TRDN: variants seen among roughly 807,000 people sequenced by gnomAD.
TRDN encodes the protein triadin in skeletal muscle.
TRDN carries 161 observed loss-of-function variants against 149.7 expected under a neutral mutation model. The ratio of observed to expected loss-of-function variants is 1.08; its 90% confidence interval spans 0.95 to 1.23. The LOEUF is 1.23. Among genes scored for constraint, TRDN ranks in the 50% most tolerant of loss-of-function variants. The pLI, the probability that TRDN is intolerant of heterozygous loss-of-function variation, is 0.00. For missense variants in TRDN, 896 were observed against 823.5 expected (o/e 1.09, Z -1.08); for synonymous variants, 294 against 250.5 (o/e 1.17, Z -1.64).
intron 20 of TRDN, among the ~76,000 whole-genome samples, chr6:123,354,939 A>G (rs1666465602): frequency 6.6e-6 from 1 of 151,786 alleles, no homozygotes; most frequent in South Asian, 2.1e-4. Flanking sequence ...TTTAAATTGC[A>G]CAAATCCTAC....
intron 40 of TRDN, among the ~76,000 whole-genome samples, chr6:123,219,641 C>T (rs1775074423): frequency 6.6e-6 from 1 of 151,798 alleles, no homozygotes; most frequent in Non-Finnish European, 1.5e-5. Flanking sequence ...TATTCTGATT[C>T]CATTTCCATG....
chr6:123,242,371 A>G lies in TRDN; in HGVS notation c.1975+10041T>C, dbSNP rs1206018742. ...GCTTTTAATTTTTAAAATAATAAGTACTAAATATAATAAAATCTCACACAT... is the reference window on the plus strand; with the variant it reads ...GCTTTTAATTTTTAAAATAATAAGTGCTAAATATAATAAAATCTCACACAT... On this transcript the variant is annotated intron_variant, in intron 38 of 40. Transcript: ENST00000334268. Among the ~76,000 whole-genome samples the G allele has an allele frequency of 6.6e-5, 10 of 152,254 alleles. No individual in the cohort carries two copies. The East Asian group carries it at 1.7e-3, about 26-fold the overall frequency.
intron 2 of TRDN, among the ~76,000 whole-genome samples, chr6:123,569,406 C>G (rs150947043): frequency 5.8e-4 from 89 of 152,284 alleles, no homozygotes; most frequent in African/African-American, 2.0e-3. Flanking sequence ...GAACTTCTGC[C>G]CATTACCCAG....
chr6:123,240,607 A>T (rs1293317236), intron 38 of TRDN, among the ~76,000 whole-genome samples: 1 of 151,850 alleles, frequency 6.6e-6, no homozygotes, highest in Non-Finnish European at 1.5e-5. Context: ...AAACATTTAG[A>T]TCTAATTTTA....
intron 24 of TRDN, among the ~76,000 whole-genome samples, chr6:123,287,744 T>C (rs1055399256): frequency 6.6e-6 from 1 of 152,048 alleles, no homozygotes; most frequent in South Asian, 2.1e-4. Context: ...GTCTATAAAA[T>C]ATATGATATG....
intron 1 of TRDN, among the ~76,000 whole-genome samples, chr6:123,587,020 CCT>C (rs764723779): frequency 8.8e-4 from 133 of 151,854 alleles, no homozygotes; most frequent in Non-Finnish European, 1.4e-3. Flanking sequence ...ACTTGCCCCT[CCT>C]CTAGAAAAGC....
chr6:123,253,535 A>G (rs1776452531), intron 37 of TRDN, among the ~76,000 whole-genome samples: 1 of 152,138 alleles, frequency 6.6e-6, no homozygotes, highest in Non-Finnish European at 1.5e-5. Context: ...ACTAAGACTA[A>G]CATGTTATTA....
intron 12 of TRDN, among the ~76,000 whole-genome samples, chr6:123,400,167 G>GTATATATCTATATA (rs1554232313): frequency 8.1e-6 from 1 of 123,396 alleles, no homozygotes. Flanking sequence ...ATATGTATGT[G>GTATATATCTATATA]TATATATATA....
intron 1 of TRDN, among the ~76,000 whole-genome samples, chr6:123,602,580 T>C (rs1784328643): frequency 6.6e-6 from 1 of 152,092 alleles, no homozygotes; most frequent in Middle Eastern, 3.4e-3. Context: ...ATTATTGAAA[T>C]AAAACTAAAA....
chr6:123,606,654 A>C (rs1784541805), intron 1 of TRDN, among the ~76,000 whole-genome samples: 1 of 152,156 alleles, frequency 6.6e-6, no homozygotes, highest in African/African-American at 2.4e-5. Context: ...AAATGTGTCC[A>C]TGCAGTATTT....
chr6:123,235,924 T>TC (rs1280622009), intron 38 of TRDN, among the ~76,000 whole-genome samples: 1 of 152,212 alleles, frequency 6.6e-6, no homozygotes, highest in East Asian at 1.9e-4. Flanking sequence ...AGCTTCTATA[T>TC]CCATTTGCCT....
chr6:123,484,065 C>G (rs1767371662), intron 9 of TRDN, among the ~76,000 whole-genome samples: 1 of 151,976 alleles, frequency 6.6e-6, no homozygotes, highest in Non-Finnish European at 1.5e-5. Context: ...ATCATCAATG[C>G]TACAATCAGT....
At chr6:123,470,969 T>C (rs1777117332) in intron 9 of TRDN, 1 of 152,094 alleles carries the variant, frequency 6.6e-6, no homozygotes. Context: ...AATCCCCGAA[T>C]TCATGGAGAC....
chr6:123,352,317 T>A, intron 21 of TRDN: 1 of 985,106 alleles, frequency 1.0e-6, no homozygotes, highest in East Asian at 1.1e-4. Context: ...TTGGGGAGTT[T>A]CCCTGTTCGG....
chr6:123,291,573 G>T (rs1433106226), intron 24 of TRDN, among the ~76,000 whole-genome samples: 1 of 152,048 alleles, frequency 6.6e-6, no homozygotes, highest in Non-Finnish European at 1.5e-5. Context: ...ACACAAAAAA[G>T]AAAGAGGTAG....
At chr6:123,632,651 C>T (rs1183091892) in intron 1 of TRDN, among the ~76,000 whole-genome samples, 1 of 151,944 alleles carries the variant, frequency 6.6e-6, no homozygotes, top group Non-Finnish European at 1.5e-5. Context: ...AAGAACATCT[C>T]CTGGAAGTGA....
At chr6:123,542,017 T>C (rs1415658705) in intron 4 of TRDN, among the ~76,000 whole-genome samples, 2 of 152,194 alleles carry the variant, frequency 1.3e-5, no homozygotes, top group African/African-American at 2.4e-5. Flanking sequence ...CAAGAGCTAT[T>C]GTGGATTGTA....
At chr6:123,393,129 T>C (rs1255440065) in intron 13 of TRDN, among the ~76,000 whole-genome samples, 1 of 152,048 alleles carries the variant, frequency 6.6e-6, no homozygotes, top group African/African-American at 2.4e-5. Context: ...AATGGTGAAA[T>C]TAATTTTCTT....
In TRDN at chr6:123,218,608, C is replaced by G; in HGVS notation, c.2183G>C (p.Gly728Ala). 6.2e-7 allele frequency: 1 copy of G among 1,611,392 alleles called. No homozygotes were observed. Among genetic ancestry groups the G allele is most frequent in the Non-Finnish European group, 8.5e-7 (1 of 1,178,422 alleles). ...AGGGTCATACATGTGTGTTTACTGT[C>G]CTTGTTGCTTCTGTCCTGGAGAATT... ...QANSPGQKQQ[G>A]Q is the part of the protein sequence containing the mutation. The change falls in exon 41 of 41, where the codon GGA (glycine) becomes GCA (alanine). Residue 728 changes from glycine (G) to alanine (A), a missense_variant. By Grantham distance (60) the Gly-to-Ala change is moderately conservative (BLOSUM62 0). Transcript: ENST00000334268.
Sources: allele counts gnomAD v4.1 joint callset (sites outside exome capture counted in the v4.1 genomes callset), GRCh38; gene constraint gnomAD v4.1.1; transcripts MANE v1.5; gene names NCBI Gene and HGNC (gene_info 2026-07-23, HGNC 2026-07-21).